Variants in CSMD1 observed in about 807,000 individuals in gnomAD.
CSMD1 encodes CUB and Sushi multiple domains 1, also known as CUB and sushi domain-containing protein 1.
CSMD1 carries 213 observed loss-of-function variants against 417.5 expected under a neutral mutation model. The ratio of observed to expected loss-of-function variants is 0.51; its 90% confidence interval spans 0.46 to 0.57. The LOEUF (loss-of-function observed/expected upper bound fraction) is 0.57, where lower values mean the gene tolerates loss of function less well. CSMD1 is among the 20% of genes least tolerant of loss of function. The pLI is 0.00. For synonymous variants in CSMD1, 2,862 were observed against 1,736.8 expected (o/e 1.65, Z -16.11); for missense variants, 6,923 against 4,529.7 (o/e 1.53, Z -15.17).
At chr8:4,204,421 A>T (rs1345248244) in intron 3 of CSMD1, among the ~76,000 whole-genome samples, 1 of 152,176 alleles carries the variant, frequency 6.6e-6, no homozygotes, top group African/African-American at 2.4e-5. Context: ...CCCAACCCAT[A>T]AGCTAATTCC....
chr8:3,998,587 G>C (rs1440136518), intron 4 of CSMD1, among the ~76,000 whole-genome samples: 1 of 152,120 alleles, frequency 6.6e-6, no homozygotes, highest in Non-Finnish European at 1.5e-5. Context: ...TTTGGGTTTT[G>C]AATTTCAGAT....
intron 2 of CSMD1, among the ~76,000 whole-genome samples, chr8:4,579,558 C>A (rs763339255): frequency 2.0e-5 from 3 of 151,958 alleles, no homozygotes; most frequent in Non-Finnish European, 1.5e-5. Flanking sequence ...GAGATGGGGT[C>A]TCAGCATGTT....
intron 5 of CSMD1, among the ~76,000 whole-genome samples, chr8:3,773,129 G>A (rs921629862): frequency 2.6e-5 from 4 of 152,016 alleles, no homozygotes; most frequent in Non-Finnish European, 5.9e-5. Flanking sequence ...TCATCTCTTC[G>A]CCAAGTCTCC....
intron 7 of CSMD1, among the ~76,000 whole-genome samples, chr8:3,636,841 T>C (rs562771034): frequency 1.3e-5 from 2 of 152,224 alleles, no homozygotes; most frequent in Non-Finnish European, 2.9e-5. Flanking sequence ...TGAGTTTAAA[T>C]GTCCCTTCCA....
intron 3 of CSMD1, among the ~76,000 whole-genome samples, chr8:4,349,406 A>G (rs1204419248): frequency 6.6e-6 from 1 of 152,184 alleles, no homozygotes; most frequent in Non-Finnish European, 1.5e-5. Context: ...AGGAAATATT[A>G]TCACCTCTAC....
intron 15 of CSMD1, among the ~76,000 whole-genome samples, chr8:3,404,643 C>T (rs1012967782): frequency 8.5e-5 from 13 of 152,166 alleles, no homozygotes; most frequent in African/African-American, 3.1e-4. Flanking sequence ...TGACTAAAGA[C>T]AACTGAGAAA....
At position 4,926,243 on chromosome 8, in the gene CSMD1, C is replaced by T. The variant is rs372581563; in HGVS notation, c.85+68089G>A. On this transcript the variant is annotated intron_variant, in intron 1 of 69. Coordinates refer to ENST00000635120, the MANE Select transcript of CSMD1 (RefSeq NM_033225.6). ...TATTACATTTATTTTTTCTTGTGGACACAATGAATAAATGGATGTATCACA... is the reference window on the plus strand; with the variant it reads ...TATTACATTTATTTTTTCTTGTGGATACAATGAATAAATGGATGTATCACA... Among the ~76,000 whole-genome samples the T allele has an allele frequency of 2.6e-5, 4 of 152,062 alleles. No individual in the cohort carries two copies. The East Asian group carries it at 5.8e-4, about 22-fold the overall frequency.
chr8:3,859,960 A>T (rs1227893012), intron 5 of CSMD1, among the ~76,000 whole-genome samples: 1 of 152,166 alleles, frequency 6.6e-6, no homozygotes, highest in African/African-American at 2.4e-5. Context: ...CATGAGTCCC[A>T]GTGAATTTTC....
chr8:3,449,405 A>C (rs915079377), intron 12 of CSMD1, among the ~76,000 whole-genome samples: 18 of 152,244 alleles, frequency 1.2e-4, no homozygotes, highest in African/African-American at 4.1e-4. Context: ...AAGTCAGAGG[A>C]AACCCCAGGC....
At chr8:3,655,915 G>C (rs138411780) in intron 7 of CSMD1, among the ~76,000 whole-genome samples, 1 of 152,136 alleles carries the variant, frequency 6.6e-6, no homozygotes, top group African/African-American at 2.4e-5. Flanking sequence ...GTGATGCCAG[G>C]AATGAAGAGC....
intron 8 of CSMD1, among the ~76,000 whole-genome samples, chr8:3,614,590 A>T (rs1433078369): frequency 3.3e-5 from 5 of 152,202 alleles, no homozygotes; most frequent in African/African-American, 9.6e-5. Flanking sequence ...TAAAACATGA[A>T]GTGCAATTTG....
At chr8:4,360,417 G>T (rs934473318) in intron 3 of CSMD1, among the ~76,000 whole-genome samples, 1 of 152,118 alleles carries the variant, frequency 6.6e-6, no homozygotes, top group African/African-American at 2.4e-5. Flanking sequence ...AGTATTTGTG[G>T]AATTAATTAA....
At chr8:4,562,756 T>G (rs140052290) in intron 2 of CSMD1, among the ~76,000 whole-genome samples, 248 of 152,270 alleles carry the variant, frequency 1.6e-3, no homozygotes, top group Non-Finnish European at 2.9e-3. Context: ...TGGTGGCTGT[T>G]AGCAGAGTCA....
At chr8:4,391,064 G>T (rs554083050) in intron 3 of CSMD1, among the ~76,000 whole-genome samples, 1 of 152,134 alleles carries the variant, frequency 6.6e-6, no homozygotes, top group Non-Finnish European at 1.5e-5. Flanking sequence ...GAGCACTAGG[G>T]TCGTTGTCTA....
At chr8:4,555,353 G>A (rs945217397) in intron 2 of CSMD1, among the ~76,000 whole-genome samples, 5 of 152,150 alleles carry the variant, frequency 3.3e-5, no homozygotes, top group African/African-American at 1.2e-4. Context: ...GGCAATGGAT[G>A]GAACATGGGA....
intron 3 of CSMD1, among the ~76,000 whole-genome samples, chr8:4,402,697 A>AT (rs1563136485): frequency 1.3e-5 from 2 of 151,862 alleles, no homozygotes; most frequent in Admixed American, 6.6e-5. Flanking sequence ...AATAGAAGCA[A>AT]TGTGAAAACA....
chr8:3,204,801 G>C (rs1443603858), intron 31 of CSMD1, among the ~76,000 whole-genome samples: 1 of 152,172 alleles, frequency 6.6e-6, no homozygotes, highest in Non-Finnish European at 1.5e-5. Flanking sequence ...ATTGGAAAGA[G>C]GGACATAGTC....
intron 17 of CSMD1, among the ~76,000 whole-genome samples, chr8:3,390,590 C>G (rs899809071): frequency 1.3e-5 from 2 of 151,912 alleles, no homozygotes; most frequent in African/African-American, 2.4e-5. Context: ...AGAGTCTGTT[C>G]CCACTCCTTC....
intron 3 of CSMD1, among the ~76,000 whole-genome samples, chr8:4,049,773 G>A (rs1016342444): frequency 1.3e-5 from 2 of 152,204 alleles, no homozygotes; most frequent in East Asian, 3.9e-4. Flanking sequence ...AATGGCCACA[G>A]CCCGTTTTCC....
Sources: gnomAD v4.1 joint callset for allele counts (sites outside exome capture counted in the v4.1 genomes callset) on GRCh38, gnomAD v4.1.1 for gene constraint, MANE v1.5 for transcripts, NCBI Gene and HGNC (gene_info 2026-07-23, HGNC 2026-07-21) for gene names.